The following HSD17B12 variants were observed in gnomAD, a reference collection of about 807,000 sequenced individuals.
HSD17B12 encodes very-long-chain 3-oxoacyl-CoA reductase.
In HSD17B12, 32 loss-of-function variants were observed where a neutral mutation model predicts 39.3. The observed-to-expected ratio is 0.81, with a 90% CI of 0.61 to 1.09. The LOEUF (loss-of-function observed/expected upper bound fraction) is 1.09, where lower values mean the gene tolerates loss of function less well. HSD17B12 is among the 50% of genes least tolerant of loss of function. HSD17B12 has a pLI of 0.00. For synonymous variants in HSD17B12, 150 were observed against 146.7 expected, an observed-to-expected ratio of 1.02 and a Z score of -0.16; for missense variants, 342 against 382.9, an observed-to-expected ratio of 0.89 and a Z score of 0.89.
chr11:43,801,378 G>A (rs947652049), intron 4 of HSD17B12, among the ~76,000 whole-genome samples: 8 of 151,988 alleles, frequency 5.3e-5, no homozygotes, highest in South Asian at 2.1e-4. Flanking sequence ...TGAAGTAGAC[G>A]AAGCAAGACT....
the HSD17B12 span, among the ~76,000 whole-genome samples, chr11:43,622,643 A>C: frequency 1.3e-5 from 2 of 151,774 alleles, no homozygotes; most frequent in African/African-American, 2.4e-5. Flanking sequence ...ATTTTTTTTT[A>C]GTTTATTTCT....
the HSD17B12 span, among the ~76,000 whole-genome samples, chr11:43,603,673 A>G: frequency 6.6e-6 from 1 of 152,210 alleles, no homozygotes; most frequent in African/African-American, 2.4e-5. Context: ...CTTAAAAAAT[A>G]AAACCTTCTT....
At chr11:43,816,447 C>T in intron 6 of HSD17B12, 56 bp downstream of exon 6, 2 of 1,436,748 alleles carry the variant, frequency 1.4e-6, no homozygotes, top group Non-Finnish European at 1.9e-6. Flanking sequence ...TATTCAAAAA[C>T]ACTGACATAA....
chr11:43,677,053 A>C (rs1949699488), upstream of HSD17B12, among the ~76,000 whole-genome samples: 1 of 152,162 alleles, frequency 6.6e-6, no homozygotes, highest in Admixed American at 6.5e-5. Flanking sequence ...AAAGGTACCA[A>C]ATTCAATTAA....
the HSD17B12 span, among the ~76,000 whole-genome samples, chr11:43,572,216 G>T: frequency 2.6e-5 from 4 of 152,208 alleles, no homozygotes; most frequent in African/African-American, 4.8e-5. Context: ...AAACTGGTTG[G>T]TTTCAGGCAA....
chr11:43,738,777 T>C (rs1457903738), intron 1 of HSD17B12, among the ~76,000 whole-genome samples: 2 of 152,198 alleles, frequency 1.3e-5, no homozygotes, highest in Admixed American at 6.5e-5. Context: ...GTGTGATGAA[T>C]GTCATGATGA....
At chr11:43,582,878 C>T in the HSD17B12 span, among the ~76,000 whole-genome samples, 1 of 152,128 alleles carries the variant, frequency 6.6e-6, no homozygotes, top group Non-Finnish European at 1.5e-5. Flanking sequence ...TCCCTGAATA[C>T]GTTTTCTAAA....
chr11:43,659,419 C>T, the HSD17B12 span, among the ~76,000 whole-genome samples: 1 of 152,192 alleles, frequency 6.6e-6, no homozygotes, highest in African/African-American at 2.4e-5. Flanking sequence ...CTGTCTGGCA[C>T]TCCCCAGTGA....
chr11:43,798,512 A>G (rs756424341), intron 4 of HSD17B12, 85 bp downstream of exon 4: 6 of 806,246 alleles, frequency 7.4e-6, no homozygotes, highest in Non-Finnish European at 1.2e-5. Context: ...TAAAATGACT[A>G]GTGAGAAAAT....
the HSD17B12 span, chr11:43,646,495 G>A: frequency 5.3e-5 from 8 of 152,164 alleles, no homozygotes; most frequent in African/African-American, 1.4e-4. Flanking sequence ...TAGATGTGTA[G>A]AATCATTTAG....
chr11:43,839,601 A>T (rs1407614147), intron 8 of HSD17B12, among the ~76,000 whole-genome samples: 1 of 152,180 alleles, frequency 6.6e-6, no homozygotes, highest in East Asian at 1.9e-4. Context: ...TAGCAACAAC[A>T]AAATCCCCAT....
intron 4 of HSD17B12, among the ~76,000 whole-genome samples, chr11:43,803,816 G>A (rs11037653): frequency 0.32 from 48,908 of 151,968 alleles, 9,551 homozygotes; most frequent in East Asian, 0.68. Flanking sequence ...TCTTCTTTCA[G>A]GCAAATGCCA....
the HSD17B12 span, among the ~76,000 whole-genome samples, chr11:43,612,100 C>T: frequency 6.6e-6 from 1 of 152,124 alleles, no homozygotes; most frequent in African/African-American, 2.4e-5. Context: ...TGCCTCCTTT[C>T]TGGCTGAAAA....
chr11:43,706,538 G>C (rs1046063666), intron 1 of HSD17B12, among the ~76,000 whole-genome samples: 1 of 152,154 alleles, frequency 6.6e-6, no homozygotes, highest in Non-Finnish European at 1.5e-5. Context: ...GTGAGACTCT[G>C]TATCAAAACA....
At chr11:43,657,827 C>A in the HSD17B12 span, among the ~76,000 whole-genome samples, 2 of 152,130 alleles carry the variant, frequency 1.3e-5, no homozygotes, top group East Asian at 1.9e-4. Flanking sequence ...CTCTGGCTAC[C>A]CTTAACATTT....
At chr11:43,680,695 C>T, upstream of HSD17B12, 1 of 789,174 alleles carries the variant, frequency 1.3e-6, no homozygotes, top group East Asian at 2.5e-5. Context: ...GCCCCGCGGG[C>T]GGGGTTTAGG....
chr11:43,788,559 T>C (rs1056755968), intron 3 of HSD17B12, among the ~76,000 whole-genome samples: 13 of 151,870 alleles, frequency 8.6e-5, no homozygotes, highest in Admixed American at 6.6e-4. Flanking sequence ...CACTGCTGTC[T>C]CTCTCTCCAT....
chr11:43,800,965 C>T (rs1386337478), intron 4 of HSD17B12, among the ~76,000 whole-genome samples: 1 of 151,948 alleles, frequency 6.6e-6, no homozygotes, highest in East Asian at 1.9e-4. Flanking sequence ...ATGACGAAAC[C>T]CCATCTCTAC....
intron 9 of HSD17B12, among the ~76,000 whole-genome samples, chr11:43,847,979 C>G (rs1951493744): frequency 6.6e-6 from 1 of 152,070 alleles, no homozygotes; most frequent in East Asian, 1.9e-4. Context: ...TATTTTATTG[C>G]TTAGGGTATT....
Sources: gnomAD v4.1 joint callset for allele counts (sites outside exome capture counted in the v4.1 genomes callset) on GRCh38, gnomAD v4.1.1 for gene constraint, MANE v1.5 for transcripts, NCBI Gene and HGNC (gene_info 2026-07-23, HGNC 2026-07-21) for gene names.